CLASP2: variants seen among roughly 807,000 people sequenced by gnomAD.
CLASP2 encodes the protein cytoplasmic linker associated protein 2.
Under a neutral mutation model 194.4 loss-of-function variants are expected in CLASP2, and 47 were observed. The ratio of observed to expected loss-of-function variants is 0.24; its 90% CI spans 0.19 to 0.31. The LOEUF (loss-of-function observed/expected upper bound fraction) is 0.31, where lower values mean the gene tolerates loss of function less well. Ranked by LOEUF, CLASP2 falls within the 10% of genes least tolerant of loss-of-function variation. The pLI is 1.00. For synonymous variants in CLASP2, 619 were observed against 633.5 expected (o/e 0.98, Z 0.34); for missense variants, 1,445 against 1,823.6 (o/e 0.79, Z 3.78).
intron 29 of CLASP2, among the ~76,000 whole-genome samples, chr3:33,555,192 T>C (rs961548709): frequency 6.6e-6 from 1 of 152,116 alleles, no homozygotes; most frequent in Non-Finnish European, 1.5e-5. Flanking sequence ...CATAAATATA[T>C]AGAATTTTTA....
At chr3:33,543,996 CAAGA>C (rs987076754) in intron 31 of CLASP2, among the ~76,000 whole-genome samples, 1 of 152,152 alleles carries the variant, frequency 6.6e-6, no homozygotes, top group Non-Finnish European at 1.5e-5. Context: ...CTCTGGTTCA[CAAGA>C]AATTGTTTTA....
At chr3:33,529,817 T>C (rs1024508951) in intron 34 of CLASP2, among the ~76,000 whole-genome samples, 2 of 151,342 alleles carry the variant, frequency 1.3e-5, no homozygotes, top group African/African-American at 4.9e-5. Flanking sequence ...CCGTCTCTAC[T>C]AAAAATACAA....
chr3:33,718,014 C>A lies in CLASP2; in HGVS notation c.-12G>T, dbSNP rs892471364. 2.1e-6 allele frequency: 3 copies of A among 1,458,914 alleles called. No homozygotes were observed. The highest frequency in any genetic ancestry group is 2.9e-5 in the African/African-American group (2 of 68,626). The allele number at this position is 1,458,914 out of a possible 1,614,324, so 90.4% of individuals were successfully genotyped here. ...CTGCGGGGCTCCATGGCTGCGGCCG[C>A]CCGCCCGCCTGCCAGTCTGTGAGCG... On this transcript the variant is annotated 5_prime_UTR_variant, in exon 1 of 39. Coordinates refer to ENST00000682230, the MANE Select transcript of CLASP2 (RefSeq NM_001365631.1).
At chr3:33,660,628 A>G (rs1300722279) in intron 7 of CLASP2, among the ~76,000 whole-genome samples, 1 of 152,220 alleles carries the variant, frequency 6.6e-6, no homozygotes, top group Non-Finnish European at 1.5e-5. Flanking sequence ...TTTGTTTACC[A>G]TAATAGTTTC....
At position 33,600,692 on chromosome 3, in the gene CLASP2, T is replaced by C. The variant is rs145357397; in HGVS notation, c.1924+2260A>G. On this transcript the variant is annotated intron_variant, in intron 18 of 38. Transcript: ENST00000682230. ...AAATGATGAAATTACTACATACTAT[T>C]TGGTAGTCTGCATAATTCAACCTTT... is the stretch of plus-strand genomic sequence containing the variant. Among the ~76,000 whole-genome samples, 120 of 152,316 alleles carry C rather than the reference T, an allele frequency of 7.9e-4. 1 individual carries two copies. Among genetic ancestry groups the C allele is most frequent in the African/African-American group, 2.7e-3 (111 of 41,568 alleles).
intron 26 of CLASP2, among the ~76,000 whole-genome samples, chr3:33,567,736 A>G (rs191207794): frequency 6.6e-6 from 1 of 152,316 alleles, no homozygotes; most frequent in Admixed American, 6.5e-5. Flanking sequence ...CTGCTAATAA[A>G]TTGGAGGTAG....
At chr3:33,703,455 T>G (rs2092498650) in intron 1 of CLASP2, among the ~76,000 whole-genome samples, 1 of 152,098 alleles carries the variant, frequency 6.6e-6, no homozygotes. Flanking sequence ...CAACACTAAG[T>G]GCTGACAAAG....
At chr3:33,528,766 TAAAGAAAG>T (rs985484587) in intron 34 of CLASP2, among the ~76,000 whole-genome samples, 1 of 140,660 alleles carries the variant, frequency 7.1e-6, no homozygotes, top group Non-Finnish European at 1.6e-5. Context: ...CATCTCGAAA[TAAAGAAAG>T]AAAGAAAGAA....
chr3:33,513,447 A>C (rs2050474247), intron 36 of CLASP2, among the ~76,000 whole-genome samples: 1 of 151,978 alleles, frequency 6.6e-6, no homozygotes, highest in Non-Finnish European at 1.5e-5. Context: ...CAGGAGAACC[A>C]GTTGAACTCA....
intron 12 of CLASP2, among the ~76,000 whole-genome samples, chr3:33,614,098 T>C (rs1334579105): frequency 6.6e-6 from 1 of 152,116 alleles, no homozygotes; most frequent in Non-Finnish European, 1.5e-5. Flanking sequence ...TCTAAGGAAG[T>C]AGACTCTTAG....
chr3:33,598,514 C>A (rs1388324479), intron 18 of CLASP2, among the ~76,000 whole-genome samples: 3 of 151,942 alleles, frequency 2.0e-5, no homozygotes, highest in Non-Finnish European at 4.4e-5. Context: ...TCCACAGCAA[C>A]TTAGCTATTA....
At chr3:33,653,446 T>C (rs887689968) in intron 7 of CLASP2, among the ~76,000 whole-genome samples, 2 of 152,148 alleles carry the variant, frequency 1.3e-5, no homozygotes, top group African/African-American at 4.8e-5. Context: ...AAAAGTGAGA[T>C]AAATCCTATA....
chr3:33,605,962 T>C (rs999579911), intron 16 of CLASP2, among the ~76,000 whole-genome samples: 4 of 152,054 alleles, frequency 2.6e-5, no homozygotes, highest in Admixed American at 1.3e-4. Flanking sequence ...TGCAGATACA[T>C]GGCACAGGGC....
At chr3:33,527,294 G>A (rs1423347142) in intron 34 of CLASP2, among the ~76,000 whole-genome samples, 2 of 152,114 alleles carry the variant, frequency 1.3e-5, no homozygotes, top group Non-Finnish European at 2.9e-5. Flanking sequence ...TGTTACTACT[G>A]ACTGCACAGA....
chr3:33,552,828 A>G (rs964891361), intron 29 of CLASP2, among the ~76,000 whole-genome samples: 31 of 152,192 alleles, frequency 2.0e-4, no homozygotes, highest in African/African-American at 6.8e-4. Flanking sequence ...TAGATCTGCA[A>G]CTTTGAATAC....
At chr3:33,619,318 G>T (rs576670784) in intron 12 of CLASP2, among the ~76,000 whole-genome samples, 1 of 152,006 alleles carries the variant, frequency 6.6e-6, no homozygotes, top group Admixed American at 6.6e-5. Context: ...ATACACACAC[G>T]TAACTGTAGA....
chr3:33,533,883 A>G (rs992216704), intron 34 of CLASP2, among the ~76,000 whole-genome samples: 6 of 151,960 alleles, frequency 3.9e-5, no homozygotes, highest in Non-Finnish European at 7.4e-5. Flanking sequence ...CGCCCAGCTA[A>G]TTTTCATATT....
intron 6 of CLASP2, among the ~76,000 whole-genome samples, chr3:33,665,280 T>TA (rs915791345): frequency 1.3e-5 from 2 of 151,878 alleles, no homozygotes; most frequent in Non-Finnish European, 2.9e-5. Flanking sequence ...GTAAGGCAGA[T>TA]AATACATGGA....
rs189294340 is a variant in CLASP2, at chr3:33,534,132, T to C, written c.3787+1101A>G. ...ATGGGAATAAAGAAAAACCTGAATA[T>C]AGAATCATGGGATAGTGTTGAGAGA... On this transcript the variant is annotated intron_variant, in intron 34 of 38. Coordinates refer to ENST00000682230, the MANE Select transcript of CLASP2 (RefSeq NM_001365631.1). 8.6e-4 allele frequency among the ~76,000 whole-genome samples: 131 copies of C among 152,302 alleles called. 1 individual carries two copies. The highest frequency in any genetic ancestry group is 2.9e-3 in the African/African-American group (120 of 41,572).
Sources: gnomAD v4.1 joint callset for allele counts (sites outside exome capture counted in the v4.1 genomes callset) on GRCh38, gnomAD v4.1.1 for gene constraint, MANE v1.5 for transcripts, NCBI Gene and HGNC (gene_info 2026-07-23, HGNC 2026-07-21) for gene names.